GRM1: variants seen among roughly 807,000 people sequenced by gnomAD.
GRM1 encodes the protein glutamate metabotropic receptor 1, also known as metabotropic glutamate receptor 1.
In GRM1, 33 loss-of-function variants were observed where a neutral mutation model predicts 90.9. That is an observed-to-expected ratio of 0.36 (90% CI 0.28 to 0.49). The LOEUF is 0.49. GRM1 is among the 20% of genes least tolerant of loss of function. The pLI is 0.99. For missense variants in GRM1, 1,190 were observed against 1,534.3 expected, an observed-to-expected ratio of 0.78 and a Z score of 3.75; for synonymous variants, 700 against 613.2, an observed-to-expected ratio of 1.14 and a Z score of -2.09.
chr6:146,180,372 T>G (rs1778503592), intron 2 of GRM1, among the ~76,000 whole-genome samples: 1 of 152,158 alleles, frequency 6.6e-6, no homozygotes. Context: ...AAACTAAGAT[T>G]TGGTTTATTT....
In GRM1 at chr6:146,132,413, G is replaced by A. The variant is rs1027324117; in HGVS notation, c.701-26935G>A. On this transcript the variant is annotated intron_variant, in intron 1 of 7. Transcript: ENST00000282753. ...AAGTTGACAGATTATAGGTGAGCAA[G>A]TGTAAGGAAATAAAATGATTTCATT... is the stretch of plus-strand genomic sequence containing the variant. Among the ~76,000 whole-genome samples the A allele has an allele frequency of 5.9e-5, 9 of 152,298 alleles. No homozygotes were observed. In the East Asian group the frequency reaches 1.5e-3, roughly 26 times the overall value.
intron 3 of GRM1, among the ~76,000 whole-genome samples, chr6:146,328,451 A>C (rs1784473279): frequency 6.6e-6 from 1 of 152,204 alleles, no homozygotes; most frequent in Non-Finnish European, 1.5e-5. Flanking sequence ...GGAAAAAGCA[A>C]ATTAACATCT....
intron 3 of GRM1, among the ~76,000 whole-genome samples, chr6:146,305,770 A>G (rs527990974): frequency 6.6e-6 from 1 of 152,186 alleles, no homozygotes. Context: ...AAGGTATAGA[A>G]TCATATTACG....
Position 146,363,573 on chromosome 6 carries a change from A to C in GRM1, c.1602+5879A>C, listed in dbSNP as rs768895570. Among the ~76,000 whole-genome samples the C allele has an allele frequency of 2.6e-4, 40 of 152,218 alleles. No individual in the cohort carries two copies. The Middle Eastern group carries it at 0.02, about 78-fold the overall frequency. ...AGAACGTAATATAAAATCTATGTGT[A>C]TGTGTCTATGTATGTGTATGTATGT... On this transcript the variant is annotated intron_variant, in intron 5 of 7. Coordinates refer to ENST00000282753, the MANE Select transcript of GRM1 (RefSeq NM_001278064.2).
At chr6:146,103,755 A>G (rs901944313) in intron 1 of GRM1, among the ~76,000 whole-genome samples, 2 of 152,184 alleles carry the variant, frequency 1.3e-5, no homozygotes, top group Admixed American at 1.3e-4. Flanking sequence ...TCCTGGCAAC[A>G]TTTACACATC....
chr6:146,070,461 G>C (rs1168262537), intron 1 of GRM1, among the ~76,000 whole-genome samples: 2 of 152,050 alleles, frequency 1.3e-5, no homozygotes, highest in African/African-American at 2.4e-5. Flanking sequence ...CAGAGATGCT[G>C]GGATTTCAGT....
intron 7 of GRM1, among the ~76,000 whole-genome samples, chr6:146,416,815 C>T (rs1316246530): frequency 6.6e-6 from 1 of 152,158 alleles, no homozygotes; most frequent in African/African-American, 2.4e-5. Flanking sequence ...AGTCTTGACT[C>T]CAATTTTGAT....
At chr6:146,158,559 C>T (rs1777601528) in intron 1 of GRM1, among the ~76,000 whole-genome samples, 1 of 152,068 alleles carries the variant, frequency 6.6e-6, no homozygotes, top group Non-Finnish European at 1.5e-5. Flanking sequence ...TCAGATGTAT[C>T]ATCCACATAC....
intron 5 of GRM1, among the ~76,000 whole-genome samples, chr6:146,372,672 G>C (rs140886251): frequency 1.3e-5 from 2 of 151,998 alleles, no homozygotes; most frequent in African/African-American, 4.8e-5. Context: ...TCATTCTTCT[G>C]CATAGGAAAA....
chr6:146,306,088 GA>G (rs755218328), intron 3 of GRM1, among the ~76,000 whole-genome samples: 1 of 152,158 alleles, frequency 6.6e-6, no homozygotes, highest in African/African-American at 2.4e-5. Flanking sequence ...AGTTCAATGG[GA>G]AATTGCCTGG....
intron 1 of GRM1, among the ~76,000 whole-genome samples, chr6:146,065,387 C>T (rs962511054): frequency 1.3e-5 from 2 of 152,134 alleles, no homozygotes; most frequent in African/African-American, 4.8e-5. Flanking sequence ...GCCTTTGGTC[C>T]AAATCCTGAC....
chr6:146,186,633 C>T (rs1268062186), intron 2 of GRM1, among the ~76,000 whole-genome samples: 1 of 152,166 alleles, frequency 6.6e-6, no homozygotes, highest in Non-Finnish European at 1.5e-5. Context: ...TAACTGATAA[C>T]AGTTTCTTCC....
intron 1 of GRM1, among the ~76,000 whole-genome samples, chr6:146,081,391 A>G (rs1776359737): frequency 1.3e-5 from 2 of 152,222 alleles, no homozygotes; most frequent in African/African-American, 4.8e-5. Flanking sequence ...TCATTTATTC[A>G]AAAAGAGCAG....
At chr6:146,177,803 A>T (rs1298384747) in intron 2 of GRM1, among the ~76,000 whole-genome samples, 1 of 152,168 alleles carries the variant, frequency 6.6e-6, no homozygotes, top group Non-Finnish European at 1.5e-5. Flanking sequence ...TCTCATAGTC[A>T]TATAAGCACT....
At chr6:146,387,148 T>A in intron 6 of GRM1, 132 bp downstream of exon 6, 2 of 869,024 alleles carry the variant, frequency 2.3e-6, no homozygotes. Flanking sequence ...AGTCCTCATG[T>A]CAAGGAGTAT....
At chr6:146,066,608 T>C (rs562204089) in intron 1 of GRM1, among the ~76,000 whole-genome samples, 1 of 152,316 alleles carries the variant, frequency 6.6e-6, no homozygotes, top group African/African-American at 2.4e-5. Context: ...AGTTGAACTC[T>C]CAGTTCTTTG....
chr6:146,290,653 G>A (rs1003852975), intron 2 of GRM1, among the ~76,000 whole-genome samples: 13 of 151,992 alleles, frequency 8.6e-5, no homozygotes, highest in Admixed American at 8.5e-4. Context: ...TTTTTGAATG[G>A]GAATGTCTAT....
chr6:146,403,550 C>T (rs979536668), intron 7 of GRM1, among the ~76,000 whole-genome samples: 1 of 151,778 alleles, frequency 6.6e-6, no homozygotes, highest in African/African-American at 2.4e-5. Context: ...AGTCAAGAAC[C>T]AAGTGAAATT....
At chr6:146,142,472 TCCCTTCAG>T (rs1005397993) in intron 1 of GRM1, among the ~76,000 whole-genome samples, 1 of 152,124 alleles carries the variant, frequency 6.6e-6, no homozygotes, top group Non-Finnish European at 1.5e-5. Flanking sequence ...GCTGTGTCCT[TCCCTTCAG>T]GGTGATGAGT....
Sources: gnomAD v4.1 joint callset for allele counts (sites outside exome capture counted in the v4.1 genomes callset) on GRCh38, gnomAD v4.1.1 for gene constraint, MANE v1.5 for transcripts, NCBI Gene and HGNC (gene_info 2026-07-23, HGNC 2026-07-21) for gene names.